DACH2: variants seen among roughly 807,000 people sequenced by gnomAD.
The protein encoded by DACH2 is dachshund homolog 2.
In DACH2, 17 loss-of-function variants were observed where a neutral mutation model predicts 35.8. The observed-to-expected ratio is 0.48, with a 90% CI of 0.33 to 0.71. The LOEUF is 0.71. Among genes scored for constraint, DACH2 ranks in the 30% least tolerant of loss-of-function variants. DACH2 has a pLI of 0.02. For missense variants in DACH2, 469 were observed against 472.7 expected, an observed-to-expected ratio of 0.99 and a Z score of 0.07; for synonymous variants, 195 against 177.3, an observed-to-expected ratio of 1.10 and a Z score of -0.79.
intron 2 of DACH2, among the ~76,000 whole-genome samples, chrX:86,423,487 C>T (rs1277204632): frequency 1.8e-5 from 2 of 108,739 alleles, no homozygotes; most frequent in Non-Finnish European, 3.8e-5. Flanking sequence ...AGTGTCTTTT[C>T]GAACCTTTGG....
intron 1 of DACH2, among the ~76,000 whole-genome samples, chrX:86,305,964 AC>A (rs1016552945): frequency 1.8e-5 from 2 of 112,053 alleles, no homozygotes; most frequent in Non-Finnish European, 3.8e-5. Flanking sequence ...TGGCAATGAT[AC>A]GGTTAAAAGA....
intron 2 of DACH2, among the ~76,000 whole-genome samples, chrX:86,502,639 AGGGAATGTTATTTAAT>A (rs1387083057): frequency 1.8e-5 from 2 of 112,016 alleles, no homozygotes; most frequent in Admixed American, 1.9e-4. Flanking sequence ...TCTTGCCTTC[AGGGAATGTTATTTAAT>A]AGCATATTTG....
rs187605673 is a variant in DACH2, at chrX:86,465,485, G to A, written c.528-48794G>A. Among the ~76,000 whole-genome samples the A allele has an allele frequency of 6.5e-3, 724 of 111,488 alleles. 3 individuals carry two copies. Among genetic ancestry groups the A allele is most frequent in the Middle Eastern group, 0.019 (4 of 216 alleles). On this transcript the variant is annotated intron_variant, in intron 2 of 11. Transcript: ENST00000373125. ...ACTTAGAGGCTCTTTGGAGTAAGGGGCACCACATACAATGAAATTGAGTGG... is the reference window on the plus strand; with the variant it reads ...ACTTAGAGGCTCTTTGGAGTAAGGGACACCACATACAATGAAATTGAGTGG...
chrX:86,343,294 A>G (rs1054018267), intron 1 of DACH2, among the ~76,000 whole-genome samples: 13 of 111,593 alleles, frequency 1.2e-4, no homozygotes, highest in Non-Finnish European at 2.3e-4. Flanking sequence ...TTTACAAGTT[A>G]TCGAAAGTGG....
At chrX:86,584,264 A>C (rs1472667422) in intron 3 of DACH2, among the ~76,000 whole-genome samples, 1 of 110,869 alleles carries the variant, frequency 9.0e-6, no homozygotes, top group African/African-American at 3.3e-5. Context: ...TTTCCAATTT[A>C]TGGGCACAGA....
intron 1 of DACH2, among the ~76,000 whole-genome samples, chrX:86,299,201 G>A (rs2034525885): frequency 8.9e-6 from 1 of 112,239 alleles, no homozygotes; most frequent in South Asian, 3.7e-4. Context: ...TGAATATACA[G>A]TATCTTTTTT....
At chrX:86,704,761 G>T (rs183267127) in intron 5 of DACH2, among the ~76,000 whole-genome samples, 2 of 110,505 alleles carry the variant, frequency 1.8e-5, no homozygotes, top group Non-Finnish European at 3.8e-5. Context: ...ATATTGGTGT[G>T]GATGCAGTGA....
intron 1 of DACH2, among the ~76,000 whole-genome samples, chrX:86,271,075 T>C (rs195042): frequency 0.13 from 14,381 of 111,358 alleles, 2,258 homozygotes; most frequent in African/African-American, 0.44. Flanking sequence ...ACAGAACTCA[T>C]AGTCTTTTGT....
chrX:86,320,710 C>T (rs1048666274), intron 1 of DACH2, among the ~76,000 whole-genome samples: 8 of 112,347 alleles, frequency 7.1e-5, no homozygotes, highest in African/African-American at 2.6e-4. Context: ...AAGCTAAGTT[C>T]CTTGGTTAAG....
At chrX:86,403,031 C>A (rs943616119) in intron 2 of DACH2, among the ~76,000 whole-genome samples, 6 of 111,907 alleles carry the variant, frequency 5.4e-5, no homozygotes, top group Non-Finnish European at 1.9e-5. Flanking sequence ...CAAAAATTAA[C>A]TGAAGATGGA....
intron 2 of DACH2, among the ~76,000 whole-genome samples, chrX:86,468,086 T>G (rs2037702809): frequency 9.0e-6 from 1 of 111,686 alleles, no homozygotes; most frequent in Non-Finnish European, 1.9e-5. Context: ...TTCCAATTCT[T>G]TCTGAAAATG....
intron 7 of DACH2, among the ~76,000 whole-genome samples, chrX:86,795,348 C>T (rs2042225305): frequency 9.2e-6 from 1 of 108,785 alleles, no homozygotes; most frequent in African/African-American, 3.4e-5. Flanking sequence ...ATTCTTCCGC[C>T]TCAGCCTCCC....
At chrX:86,794,767 T>A (rs928846962) in intron 7 of DACH2, among the ~76,000 whole-genome samples, 2 of 111,787 alleles carry the variant, frequency 1.8e-5, no homozygotes, top group Non-Finnish European at 3.8e-5. Context: ...AATAAAGCAA[T>A]ACACATCAGT....
At chrX:86,439,093 AG>A (rs2037116677) in intron 2 of DACH2, among the ~76,000 whole-genome samples, 2 of 111,964 alleles carry the variant, frequency 1.8e-5, no homozygotes, top group Non-Finnish European at 3.8e-5. Context: ...TATTCTAACC[AG>A]GGTAGGATGA....
intron 3 of DACH2, among the ~76,000 whole-genome samples, chrX:86,589,951 T>C (rs1279936205): frequency 8.9e-6 from 1 of 111,941 alleles, no homozygotes; most frequent in Non-Finnish European, 1.9e-5. Flanking sequence ...AGGTGGGAAA[T>C]TGGTTAAGTG....
At chrX:86,179,752 A>G (rs1420320270) in intron 1 of DACH2, among the ~76,000 whole-genome samples, 1 of 111,190 alleles carries the variant, frequency 9.0e-6, no homozygotes, top group African/African-American at 3.2e-5. Context: ...TAATCCATGC[A>G]GGATAATATA....
At chrX:86,211,443 C>A (rs1164831173) in intron 1 of DACH2, among the ~76,000 whole-genome samples, 2 of 111,406 alleles carry the variant, frequency 1.8e-5, no homozygotes, top group Admixed American at 1.9e-4. Context: ...GGATGTCAAG[C>A]ATAGCTGGCT....
intron 1 of DACH2, among the ~76,000 whole-genome samples, chrX:86,222,899 G>A (rs768952614): frequency 1.8e-5 from 2 of 110,445 alleles, no homozygotes; most frequent in Non-Finnish European, 3.8e-5. Context: ...AATTAGTAAG[G>A]GCCAAAGTTG....
intron 1 of DACH2, among the ~76,000 whole-genome samples, chrX:86,269,079 T>C (rs1323175812): frequency 9.0e-6 from 1 of 110,864 alleles, no homozygotes; most frequent in East Asian, 2.8e-4. Context: ...TTATTCATTC[T>C]TTCTAACTAT....
Sources: allele counts gnomAD v4.1 joint callset (sites outside exome capture counted in the v4.1 genomes callset), GRCh38; gene constraint gnomAD v4.1.1; transcripts MANE v1.5; gene names NCBI Gene and HGNC (gene_info 2026-07-23, HGNC 2026-07-21).